Variants in SEMA5A observed in about 807,000 individuals in gnomAD.
SEMA5A encodes the protein semaphorin 5A.
A neutral mutation model predicts 135.5 loss-of-function variants in SEMA5A; 55 were observed. That is an observed-to-expected ratio of 0.41 (90% CI 0.33 to 0.51). The LOEUF (loss-of-function observed/expected upper bound fraction) is 0.51, where lower values mean the gene tolerates loss of function less well. Ranked by LOEUF, SEMA5A falls within the 20% of genes least tolerant of loss-of-function variation. The probability of loss-of-function intolerance (pLI) is 0.37; values close to 1 mark genes in which losing one functional copy is unlikely to be tolerated. For missense variants in SEMA5A, 1,290 were observed against 1,419.9 expected (o/e 0.91, Z 1.47); for synonymous variants, 580 against 546.5 (o/e 1.06, Z -0.85).
At chr5:9,130,888 C>T (rs997639835) in intron 13 of SEMA5A, among the ~76,000 whole-genome samples, 1 of 152,106 alleles carries the variant, frequency 6.6e-6, no homozygotes, top group African/African-American at 2.4e-5. Flanking sequence ...TGGTTTCTTT[C>T]CCAGTGCAGT....
chr5:9,178,687 T>C (rs1744342211), intron 11 of SEMA5A, among the ~76,000 whole-genome samples: 1 of 152,172 alleles, frequency 6.6e-6, no homozygotes, highest in Non-Finnish European at 1.5e-5. Flanking sequence ...TAAAAAGTGT[T>C]GGTAATGATT....
At chr5:9,178,834 G>A (rs1222742539) in intron 11 of SEMA5A, among the ~76,000 whole-genome samples, 6 of 152,118 alleles carry the variant, frequency 3.9e-5, no homozygotes, top group South Asian at 2.1e-4. Flanking sequence ...TTGCAGATTC[G>A]TCATCAAATT....
At chr5:9,131,465 G>A (rs891870997) in intron 13 of SEMA5A, among the ~76,000 whole-genome samples, 4 of 151,754 alleles carry the variant, frequency 2.6e-5, no homozygotes, top group Admixed American at 6.6e-5. Flanking sequence ...AAAATTACCC[G>A]GGTGTGGTGG....
chr5:9,168,589 T>A lies in SEMA5A; in HGVS notation c.1274-13894A>T, dbSNP rs376787186. On this transcript the variant is annotated intron_variant, in intron 11 of 22. Coordinates refer to ENST00000382496, the MANE Select transcript of SEMA5A (RefSeq NM_003966.3). ...TCCATCTCAGAAGCTCTTCTTTCCA[T>A]ATATTAAAACTGCTACAGGAAAAAA... is the stretch of plus-strand genomic sequence containing the variant. Among the ~76,000 whole-genome samples the A allele has an allele frequency of 7.2e-4, 110 of 152,330 alleles. No homozygotes were observed. The South Asian group carries it at 0.018, about 24-fold the overall frequency.
intron 5 of SEMA5A, among the ~76,000 whole-genome samples, chr5:9,298,869 A>AT (rs1751466688): frequency 6.6e-6 from 1 of 152,202 alleles, no homozygotes; most frequent in African/African-American, 2.4e-5. Flanking sequence ...AGATTTTGAA[A>AT]TACCATTATC....
chr5:9,480,350 C>T (rs1428563490), intron 1 of SEMA5A, among the ~76,000 whole-genome samples: 1 of 152,114 alleles, frequency 6.6e-6, no homozygotes, highest in East Asian at 1.9e-4. Flanking sequence ...TATAACTTAG[C>T]ATAGCAAGTC....
intron 1 of SEMA5A, among the ~76,000 whole-genome samples, chr5:9,541,985 A>G (rs974038278): frequency 1.3e-5 from 2 of 152,146 alleles, no homozygotes; most frequent in African/African-American, 2.4e-5. Context: ...TTTTGCTTCA[A>G]TTTTGAATCG....
intron 12 of SEMA5A, among the ~76,000 whole-genome samples, chr5:9,153,440 CTG>C (rs1269365379): frequency 6.6e-6 from 1 of 152,184 alleles, no homozygotes; most frequent in African/African-American, 2.4e-5. Flanking sequence ...TTAAACACAA[CTG>C]TGGTTGATCG....
intron 1 of SEMA5A, among the ~76,000 whole-genome samples, chr5:9,496,152 C>T (rs1038691533): frequency 2.6e-5 from 4 of 152,194 alleles, no homozygotes; most frequent in Non-Finnish European, 5.9e-5. Context: ...TCAAGCAGTT[C>T]TCCTGCCTCA....
intron 19 of SEMA5A, among the ~76,000 whole-genome samples, chr5:9,053,600 G>T (rs116259640): frequency 0.019 from 2,902 of 152,166 alleles, 96 homozygotes; most frequent in African/African-American, 0.066. Flanking sequence ...CTGCACCCAG[G>T]CTGGTTTTGA....
intron 1 of SEMA5A, among the ~76,000 whole-genome samples, chr5:9,538,019 T>C (rs1369197986): frequency 2.0e-5 from 3 of 152,070 alleles, no homozygotes; most frequent in African/African-American, 4.8e-5. Context: ...ACAAGAGAGC[T>C]GAGGAAGCCT....
chr5:9,510,736 A>G (rs867567041), intron 1 of SEMA5A, among the ~76,000 whole-genome samples: 15 of 152,350 alleles, frequency 9.8e-5, no homozygotes, highest in African/African-American at 3.4e-4. Context: ...TTTTGCATGT[A>G]TTGGTATATA....
chr5:9,104,945 C>T (rs1165872775), intron 16 of SEMA5A, among the ~76,000 whole-genome samples: 1 of 152,196 alleles, frequency 6.6e-6, no homozygotes, highest in Non-Finnish European at 1.5e-5. Flanking sequence ...GTCCCTCAAT[C>T]AGCTGGACAC....
At chr5:9,472,972 T>G (rs1265121168) in intron 1 of SEMA5A, among the ~76,000 whole-genome samples, 1 of 150,540 alleles carries the variant, frequency 6.6e-6, no homozygotes, top group African/African-American at 2.4e-5. Flanking sequence ...TGCATAATAT[T>G]CATGTCATGT....
At chr5:9,239,228 T>C (rs1482809735) in intron 5 of SEMA5A, among the ~76,000 whole-genome samples, 2 of 152,220 alleles carry the variant, frequency 1.3e-5, no homozygotes, top group East Asian at 3.8e-4. Flanking sequence ...TTTTCCCTTG[T>C]GCAGACTTGA....
intron 11 of SEMA5A, among the ~76,000 whole-genome samples, chr5:9,168,370 T>C (rs910443550): frequency 6.6e-6 from 1 of 152,188 alleles, no homozygotes; most frequent in African/African-American, 2.4e-5. Flanking sequence ...GGGCTGTTTT[T>C]AGTCCATATC....
At chr5:9,136,744 G>GTATTTAGGCT (rs2150220218) in intron 12 of SEMA5A, 123 bp from the exon 13 acceptor site, 2 of 756,154 alleles carry the variant, frequency 2.6e-6, no homozygotes, top group Non-Finnish European at 4.7e-6. Context: ...AGCCCAATGG[G>GTATTTAGGCT]TATTTAGGCT....
intron 5 of SEMA5A, among the ~76,000 whole-genome samples, chr5:9,265,135 A>G (rs1028396819): frequency 2.2e-4 from 34 of 152,112 alleles, no homozygotes; most frequent in Non-Finnish European, 4.0e-4. Context: ...AAATAAGGAC[A>G]TTCCCCATAG....
chr5:9,177,849 A>G (rs1010965292), intron 11 of SEMA5A, among the ~76,000 whole-genome samples: 7 of 152,278 alleles, frequency 4.6e-5, no homozygotes, highest in Non-Finnish European at 8.8e-5. Flanking sequence ...ACACATGTCA[A>G]GAATCACCAT....
Sources: allele counts gnomAD v4.1 joint callset (sites outside exome capture counted in the v4.1 genomes callset), GRCh38; gene constraint gnomAD v4.1.1; transcripts MANE v1.5; gene names NCBI Gene and HGNC (gene_info 2026-07-23, HGNC 2026-07-21).